WDR75: variants seen among roughly 807,000 people sequenced by gnomAD.
WDR75 encodes the protein WD repeat-containing protein 75.
In WDR75, 52 loss-of-function variants were observed where a neutral mutation model predicts 106.1. The ratio of observed to expected loss-of-function variants is 0.49; its 90% CI spans 0.39 to 0.62. The LOEUF (loss-of-function observed/expected upper bound fraction) is 0.62. Ranked by LOEUF, WDR75 falls within the 20% of genes least tolerant of loss-of-function variation. WDR75 has a pLI of 0.00. For missense variants in WDR75, 905 were observed against 970.3 expected (o/e 0.93, Z 0.89); for synonymous variants, 333 against 335.5 (o/e 0.99, Z 0.08).
At chr2:189,441,790 C>T (rs1409474100) in intron 1 of WDR75, among the ~76,000 whole-genome samples, 1 of 152,170 alleles carries the variant, frequency 6.6e-6, no homozygotes, top group Admixed American at 6.5e-5. Context: ...GGACAGTTTA[C>T]CTGCAGGTAG....
chr2:189,470,952 T>A (rs908374883), intron 18 of WDR75, 74 bp downstream of exon 18: 17 of 1,178,834 alleles, frequency 1.4e-5, no homozygotes, highest in African/African-American at 4.7e-5. Context: ...AAGTCAACTA[T>A]GAAAAAAATA....
chr2:189,450,872 A>T (rs1180102340), intron 2 of WDR75, 31 bp from the exon 3 acceptor site: 6 of 1,592,726 alleles, frequency 3.8e-6, no homozygotes, highest in Middle Eastern at 1.7e-4. Flanking sequence ...TCTTTTTTTT[A>T]AATCAATTTT....
rs529835741 is a variant in WDR75, at chr2:189,465,156, C to T, written c.1191C>T (p.Cys397=). 1.9e-6 allele frequency: 3 copies of T among 1,613,052 alleles called. No homozygotes were observed. The highest frequency in any genetic ancestry group is 2.2e-5 in the South Asian group (2 of 90,986). The change falls in exon 12 of 21, where the codon TGC becomes TGT. Residue 397 remains cysteine (C), a synonymous_variant. Coordinates refer to ENST00000314761, the MANE Select transcript of WDR75 (RefSeq NM_032168.3). ...QIELTKAAFG[C]FGNWLATVEQ... The stretch of plus-strand genomic sequence containing the variant: ...AACTAACAAAGGCTGCATTTGGCTG[C>T]TTTGGTAACTGGCTTGCAACAGTGG...
Position 189,469,367 on chromosome 2 carries a change from G to C in WDR75, c.1747G>C (p.Val583Leu), listed in dbSNP as rs955992348. ...AGTGGAGTGGAATGCAAAATTAAAT[G>C]TTAGAGTTATGGAACCCGATCCTAA... is the stretch of plus-strand genomic sequence containing the variant. The part of the protein sequence containing the change: ...CALEWNAKLN[V>L]RVMEPDPNSE... The change falls in exon 16 of 21, where the codon GTT becomes CTT. Residue 583 changes from valine (V) to leucine (L), a missense_variant. Transcript: ENST00000314761. 4 of 1,613,252 alleles carry C rather than the reference G, an allele frequency of 2.5e-6. No homozygotes were observed. In the African/African-American group the frequency reaches 5.3e-5, roughly 22 times the overall value.
intron 8 of WDR75, among the ~76,000 whole-genome samples, chr2:189,461,033 A>G (rs145140685): frequency 9.7e-4 from 147 of 152,232 alleles, no homozygotes; most frequent in Non-Finnish European, 1.6e-3. Context: ...AATGTATCAT[A>G]TATGTGTATA....
intron 4 of WDR75, among the ~76,000 whole-genome samples, chr2:189,454,927 A>T (rs547536707): frequency 6.6e-6 from 1 of 152,184 alleles, no homozygotes; most frequent in Admixed American, 6.5e-5. Context: ...ATCTTGCATC[A>T]AATAAATTCT....
In WDR75 at chr2:189,441,552, G is replaced by A; in HGVS notation, c.60G>A (p.Arg20=). 1 of 1,562,174 alleles carries A rather than the reference G, an allele frequency of 6.4e-7. No individual in the cohort carries two copies. The highest frequency in any genetic ancestry group is 2.4e-5 in the East Asian group (1 of 42,192). The change falls in exon 1 of 21, where the codon AGG becomes AGA. Residue 20 remains arginine (R), a synonymous_variant. Coordinates refer to ENST00000314761, the MANE Select transcript of WDR75 (RefSeq NM_032168.3). ...VRCGGSELNF[R]RAVFSADSKY... is the part of the protein sequence containing the mutation. ...GTGGCGGCAGCGAGTTGAACTTTAGGAGAGCTGTGTTCTCTGCAGATTCTA... is the reference window on the plus strand; with the variant it reads ...GTGGCGGCAGCGAGTTGAACTTTAGAAGAGCTGTGTTCTCTGCAGATTCTA...
Position 189,465,269 on chromosome 2 carries a change from G to C in WDR75, c.1289+15G>C. On this transcript the variant is annotated intron_variant, in intron 12 of 20. Coordinates refer to ENST00000314761, the MANE Select transcript of WDR75 (RefSeq NM_032168.3). ...AAAACACAAGGGTAATACTATCTGT[G>C]TAGCCACTTAATTTCAAAGTATAAA... 1 of 1,565,930 alleles carries C rather than the reference G, an allele frequency of 6.4e-7. No homozygotes were observed. Among genetic ancestry groups the C allele is most frequent in the Non-Finnish European group, 8.7e-7 (1 of 1,154,710 alleles).
chr2:189,468,328 T>C (rs1437159863), intron 14 of WDR75, 147 bp from the exon 15 acceptor site: 10 of 667,490 alleles, frequency 1.5e-5, no homozygotes, highest in Non-Finnish European at 2.5e-5. Context: ...CCTTAGACAC[T>C]TTTTTCTTCA....
chr2:189,458,504 T>C (rs1486976752), intron 6 of WDR75, among the ~76,000 whole-genome samples: 1 of 152,186 alleles, frequency 6.6e-6, no homozygotes, highest in Non-Finnish European at 1.5e-5. Flanking sequence ...GTGGCTTCCA[T>C]AGATAAATTA....
intron 3 of WDR75, among the ~76,000 whole-genome samples, chr2:189,451,534 A>G (rs1686621996): frequency 6.6e-6 from 1 of 152,228 alleles, no homozygotes; most frequent in Non-Finnish European, 1.5e-5. Context: ...AAGTCCTTAT[A>G]GCATTGTTTA....
chr2:189,455,945 A>G (rs1686726606), intron 5 of WDR75, among the ~76,000 whole-genome samples: 1 of 152,112 alleles, frequency 6.6e-6, no homozygotes. Flanking sequence ...CATGTTTTTC[A>G]TAAATTATAA....
chr2:189,465,279 A>C (rs371838656), intron 12 of WDR75, 25 bp downstream of exon 12: 2 of 1,551,068 alleles, frequency 1.3e-6, no homozygotes, highest in Non-Finnish European at 1.7e-6. Context: ...GTAGCCACTT[A>C]ATTTCAAAGT....
rs776340406 is a variant in WDR75 at position 189,475,208 on chromosome 2, T to G, written c.2289-5T>G. The stretch of plus-strand genomic sequence containing the variant: ...TGTTTATATTTTATTCTGTTATTGT[T>G]AAAGTGCTAAGGAAATTCCTGAAGA... On this transcript the variant is annotated splice_polypyrimidine_tract_variant and splice_region_variant and intron_variant, in intron 20 of 20. Coordinates refer to ENST00000314761, the MANE Select transcript of WDR75 (RefSeq NM_032168.3). 2 of 1,594,336 alleles carry G rather than the reference T, an allele frequency of 1.3e-6. No homozygotes were observed. The highest frequency in any genetic ancestry group is 1.7e-6 in the Non-Finnish European group (2 of 1,168,450).
chr2:189,459,670 A>G (rs1487704685), intron 8 of WDR75, among the ~76,000 whole-genome samples: 1 of 152,252 alleles, frequency 6.6e-6, no homozygotes, highest in Non-Finnish European at 1.5e-5. Context: ...ACCTATTTAA[A>G]TTATATGACT....
intron 2 of WDR75, chr2:189,448,855 C>T: frequency 2.1e-6 from 1 of 475,738 alleles, no homozygotes; most frequent in South Asian, 1.5e-5. Flanking sequence ...TTTGGTGTTT[C>T]TCAAACTTAC....
chr2:189,454,423 A>G lies in WDR75; in HGVS notation c.374-897A>G, dbSNP rs532054005. ...CTCAGATGATTTGTTGCTTTTAGCT[A>G]CTCAGCTGACCAACATTCATATTCT... On this transcript the variant is annotated intron_variant, in intron 4 of 20. Transcript: ENST00000314761. Among the ~76,000 whole-genome samples, 3 of 152,192 alleles carry G rather than the reference A, an allele frequency of 2.0e-5. No individual in the cohort carries two copies. The East Asian group carries it at 5.8e-4, about 29-fold the overall frequency.
rs747365775 is a variant in WDR75, at chr2:189,474,218, A to C, written c.2082A>C (p.Pro694=). ...LLAEESLPTT[P]FYFILGKHRQ... is the part of the protein sequence containing the mutation. The stretch of plus-strand genomic sequence containing the variant: ...CAGAAGAAAGTCTTCCCACAACCCC[A>C]TTTTATTTCATATTGGGAAAACACA... Residue 694 remains proline (P), a synonymous_variant, in exon 19 of 21, where the codon CCA becomes CCC. Transcript: ENST00000314761. 7 of 1,613,202 alleles carry C rather than the reference A, an allele frequency of 4.3e-6. No homozygotes were observed. Among genetic ancestry groups the C allele is most frequent in the Admixed American group, 1.7e-5 (1 of 59,836 alleles).
At chr2:189,474,457 A>G in intron 19 of WDR75, 125 bp downstream of exon 19, 4 of 1,166,208 alleles carry the variant, frequency 3.4e-6, no homozygotes. Flanking sequence ...CTAAATAACT[A>G]ACAACAAACC....
Sources: allele counts gnomAD v4.1 joint callset (sites outside exome capture counted in the v4.1 genomes callset), GRCh38; gene constraint gnomAD v4.1.1; transcripts MANE v1.5; gene names NCBI Gene and HGNC (gene_info 2026-07-23, HGNC 2026-07-21).